Variants in CDH13 observed in about 807,000 individuals in gnomAD.
CDH13 encodes cadherin 13, also known as cadherin-13.
CDH13 carries 24 observed loss-of-function variants against 63.8 expected under a neutral mutation model. The observed-to-expected ratio is 0.38, with a 90% CI of 0.27 to 0.53. The LOEUF is 0.53. Among genes scored for constraint, CDH13 ranks in the 20% least tolerant of loss-of-function variants. CDH13 has a pLI of 0.85. For synonymous variants in CDH13, 503 were observed against 355.3 expected (o/e 1.42, Z -4.67); for missense variants, 1,049 against 903.1 (o/e 1.16, Z -2.07).
chr16:83,696,685 C>T (rs1036630902), intron 10 of CDH13, among the ~76,000 whole-genome samples: 2 of 152,184 alleles, frequency 1.3e-5, no homozygotes, highest in African/African-American at 4.8e-5. Flanking sequence ...AGCAACTGGC[C>T]TTCATCTCCA....
intron 2 of CDH13, among the ~76,000 whole-genome samples, chr16:83,015,071 G>A (rs186988981): frequency 1.3e-4 from 20 of 151,430 alleles, no homozygotes; most frequent in African/African-American, 4.1e-4. Context: ...TAGCTATTAA[G>A]AGAAAACCTA....
chr16:83,379,705 C>T (rs917219365), intron 6 of CDH13, among the ~76,000 whole-genome samples: 1 of 152,028 alleles, frequency 6.6e-6, no homozygotes, highest in Admixed American at 6.6e-5. Flanking sequence ...CAAGGAGACA[C>T]ACAGTTGTTC....
chr16:82,667,917 C>G (rs866678176), intron 1 of CDH13, among the ~76,000 whole-genome samples: 32 of 152,152 alleles, frequency 2.1e-4, no homozygotes, highest in Non-Finnish European at 4.3e-4. Flanking sequence ...AAGCCTAATA[C>G]AGTTTTTTAG....
At chr16:83,069,987 A>T (rs995128543) in intron 3 of CDH13, among the ~76,000 whole-genome samples, 1 of 152,202 alleles carries the variant, frequency 6.6e-6, no homozygotes, top group Admixed American at 6.5e-5. Flanking sequence ...AAATTGGGCC[A>T]ATGGCACTTT....
At chr16:83,472,247 C>T (rs1280052907) in intron 6 of CDH13, among the ~76,000 whole-genome samples, 2 of 152,226 alleles carry the variant, frequency 1.3e-5, no homozygotes, top group African/African-American at 4.8e-5. Flanking sequence ...ACTGGGGACT[C>T]TGTCTCCTGT....
At chr16:82,818,088 G>T (rs544367356) in intron 1 of CDH13, among the ~76,000 whole-genome samples, 29 of 150,964 alleles carry the variant, frequency 1.9e-4, no homozygotes, top group African/African-American at 6.8e-4. Context: ...GTTTATATAT[G>T]AATGTATTCA....
At position 83,373,167 on chromosome 16, in the gene CDH13, G is replaced by A. The variant is rs562050630; in HGVS notation, c.781+28161G>A. Among the ~76,000 whole-genome samples, 145 of 152,248 alleles carry A rather than the reference G, an allele frequency of 9.5e-4. 2 individuals carry two copies. The highest frequency in any genetic ancestry group is 3.4e-3 in the Middle Eastern group (1 of 294). On this transcript the variant is annotated intron_variant, in intron 6 of 13. Transcript: ENST00000567109. ...TTAAACTATATTGAAAACGTTTGCC[G>A]TGCATAACAGCATCCCAATAGGAAG...
At chr16:83,081,459 CATGCTTTTAA>C (rs1423826716) in intron 3 of CDH13, among the ~76,000 whole-genome samples, 1 of 152,194 alleles carries the variant, frequency 6.6e-6, no homozygotes. Context: ...AGGGTATACA[CATGCTTTTAA>C]ATGCACAGAG....
intron 4 of CDH13, among the ~76,000 whole-genome samples, chr16:83,216,588 A>AATATATAATACATAGGGGTTTAAT (rs974147177): frequency 1.4e-5 from 2 of 143,628 alleles, no homozygotes; most frequent in Non-Finnish European, 3.0e-5. Flanking sequence ...TATATATATT[A>AATATATAATACATAGGGGTTTAAT]ATATATAATA....
At chr16:83,399,925 G>A (rs992842900) in intron 6 of CDH13, among the ~76,000 whole-genome samples, 5 of 152,122 alleles carry the variant, frequency 3.3e-5, no homozygotes, top group Non-Finnish European at 7.3e-5. Flanking sequence ...AATATGTGAT[G>A]TAAATAGGAC....
At chr16:82,700,096 G>T (rs1472295581) in intron 1 of CDH13, among the ~76,000 whole-genome samples, 1 of 152,190 alleles carries the variant, frequency 6.6e-6, no homozygotes, top group East Asian at 1.9e-4. Context: ...AGTTCATCAG[G>T]ATGCTGAGAA....
At chr16:83,152,935 G>A (rs1485024793) in intron 4 of CDH13, among the ~76,000 whole-genome samples, 2 of 152,192 alleles carry the variant, frequency 1.3e-5, no homozygotes, top group African/African-American at 2.4e-5. Flanking sequence ...GAGCAGGAAA[G>A]CAGAGATTGG....
Position 83,527,002 on chromosome 16 carries a change from C to T in CDH13, c.960+40347C>T, listed in dbSNP as rs537472526. Among the ~76,000 whole-genome samples the T allele has an allele frequency of 1.1e-3, 170 of 152,032 alleles. 1 individual carries two copies. Among genetic ancestry groups the T allele is most frequent in the African/African-American group, 3.9e-3 (161 of 41,466 alleles). On this transcript the variant is annotated intron_variant, in intron 7 of 13. Coordinates refer to ENST00000567109, the MANE Select transcript of CDH13 (RefSeq NM_001257.5). ...CAAAAATTAGGCAGGCGTGGTGGTG[C>T]GCACCTGTAATCCCAGCTATTTAGG...
intron 4 of CDH13, among the ~76,000 whole-genome samples, chr16:83,205,827 T>A (rs2039166811): frequency 6.6e-6 from 1 of 152,064 alleles, no homozygotes; most frequent in African/African-American, 2.4e-5. Context: ...ATGGTCTCTA[T>A]CTCCTGACCT....
intron 3 of CDH13, among the ~76,000 whole-genome samples, chr16:83,090,207 C>T (rs1368613476): frequency 5.9e-5 from 9 of 152,162 alleles, no homozygotes; most frequent in South Asian, 2.1e-4. Context: ...CAGGCTCTTT[C>T]GTGCCTCCAG....
At chr16:83,783,176 A>T in intron 12 of CDH13, 78 bp from the exon 13 acceptor site, 1 of 929,884 alleles carries the variant, frequency 1.1e-6, no homozygotes, top group Non-Finnish European at 1.7e-6. Context: ...GTTTGGTGTG[A>T]CTTTCATCAC....
At chr16:83,016,484 A>C (rs762680829) in intron 2 of CDH13, among the ~76,000 whole-genome samples, 4 of 152,210 alleles carry the variant, frequency 2.6e-5, no homozygotes, top group Non-Finnish European at 4.4e-5. Context: ...TCTTGCCCTC[A>C]AGGATCTTCC....
intron 1 of CDH13, among the ~76,000 whole-genome samples, chr16:82,791,228 C>A (rs1466312600): frequency 9.6e-6 from 1 of 103,658 alleles, no homozygotes; most frequent in Non-Finnish European, 1.9e-5. Flanking sequence ...CAAAGCGAGA[C>A]TCCGTCTCCA....
intron 2 of CDH13, among the ~76,000 whole-genome samples, chr16:82,966,355 G>T (rs1426176637): frequency 6.7e-6 from 1 of 149,160 alleles, no homozygotes; most frequent in Non-Finnish European, 1.5e-5. Context: ...TTCACTGTTG[G>T]CTAGGATGGT....
Sources: gnomAD v4.1 joint callset for allele counts (sites outside exome capture counted in the v4.1 genomes callset) on GRCh38, gnomAD v4.1.1 for gene constraint, MANE v1.5 for transcripts, NCBI Gene and HGNC (gene_info 2026-07-23, HGNC 2026-07-21) for gene names.